The following ANK1 variants were observed in gnomAD, a reference collection of about 807,000 sequenced individuals.
ANK1 encodes the protein ankyrin-1.
A neutral mutation model predicts 210.4 loss-of-function variants in ANK1; 51 were observed. The observed-to-expected ratio is 0.24, with a 90% CI of 0.19 to 0.31. The LOEUF (loss-of-function observed/expected upper bound fraction) is 0.31. Ranked by LOEUF, ANK1 falls within the 10% of genes least tolerant of loss-of-function variation. The probability of loss-of-function intolerance (pLI) is 1.00; values close to 1 mark genes in which losing one functional copy is unlikely to be tolerated. For missense variants in ANK1, 2,051 were observed against 2,504.4 expected (o/e 0.82, Z 3.86); for synonymous variants, 967 against 1,025.9 (o/e 0.94, Z 1.10).
intron 20 of ANK1, among the ~76,000 whole-genome samples, chr8:41,703,051 G>C (rs776337469): frequency 6.6e-6 from 1 of 151,774 alleles, no homozygotes; most frequent in Non-Finnish European, 1.5e-5. Context: ...GGCTGGTCTC[G>C]AACTCCTGAC....
At chr8:41,844,798 C>A (rs541440870) in intron 1 of ANK1, among the ~76,000 whole-genome samples, 1 of 152,286 alleles carries the variant, frequency 6.6e-6, no homozygotes, top group African/African-American at 2.4e-5. Context: ...CAGCATTGGA[C>A]CCCAGAAGAT....
chr8:41,676,326 C>T (rs531774936), intron 37 of ANK1, among the ~76,000 whole-genome samples: 72 of 152,240 alleles, frequency 4.7e-4, no homozygotes, highest in African/African-American at 1.6e-3. Flanking sequence ...ATTTGTATTT[C>T]CCAAATCACT....
intron 1 of ANK1, among the ~76,000 whole-genome samples, chr8:41,761,997 C>G (rs1346925531): frequency 6.6e-6 from 1 of 152,186 alleles, no homozygotes; most frequent in African/African-American, 2.4e-5. Flanking sequence ...AACTGGTCTT[C>G]CCCAAATCCT....
At chr8:41,768,406 G>T (rs533345373) in intron 1 of ANK1, among the ~76,000 whole-genome samples, 2 of 152,168 alleles carry the variant, frequency 1.3e-5, no homozygotes, top group African/African-American at 4.8e-5. Flanking sequence ...GTACAGCTGC[G>T]CGTTGGTGAG....
intron 11 of ANK1, 64 bp downstream of exon 11, chr8:41,718,042 T>C (rs1586409906): frequency 1.3e-6 from 2 of 1,508,320 alleles, no homozygotes. Flanking sequence ...AGAGCGACTC[T>C]TGGAGAAGGT....
At chr8:41,713,986 G>A (rs1460799836) in intron 16 of ANK1, among the ~76,000 whole-genome samples, 170 bp downstream of exon 16, 2 of 152,230 alleles carry the variant, frequency 1.3e-5, no homozygotes, top group African/African-American at 2.4e-5. Context: ...CCTGAATAGC[G>A]TGATTACAGG....
At chr8:41,690,408 T>C in intron 32 of ANK1, 62 bp from the exon 33 acceptor site, 10 of 1,614,142 alleles carry the variant, frequency 6.2e-6, no homozygotes, top group Non-Finnish European at 8.5e-6. Context: ...GGCTGTCTGG[T>C]TTAGGGAATT....
At chr8:41,845,006 A>C (rs994494302) in intron 1 of ANK1, among the ~76,000 whole-genome samples, 2 of 152,166 alleles carry the variant, frequency 1.3e-5, no homozygotes, top group Non-Finnish European at 2.9e-5. Context: ...AGCTGCCTCT[A>C]CTCAGCAGAT....
intron 22 of ANK1, 72 bp downstream of exon 22, chr8:41,701,478 C>A (rs1822782180): frequency 1.4e-6 from 2 of 1,431,614 alleles, no homozygotes; most frequent in African/African-American, 2.8e-5. Flanking sequence ...CGGCAGGTGG[C>A]AGGAAGCCCC....
intron 1 of ANK1, among the ~76,000 whole-genome samples, chr8:41,804,803 C>T (rs1850675361): frequency 6.6e-6 from 1 of 152,138 alleles, no homozygotes; most frequent in African/African-American, 2.4e-5. Flanking sequence ...GCGAAATTCC[C>T]ACATTCCGGC....
At chr8:41,697,422 T>G (rs1472642680) in intron 24 of ANK1, among the ~76,000 whole-genome samples, 1 of 152,152 alleles carries the variant, frequency 6.6e-6, no homozygotes, top group Non-Finnish European at 1.5e-5. Flanking sequence ...AGAACGTCCT[T>G]GTCCATCGCC....
intron 1 of ANK1, among the ~76,000 whole-genome samples, chr8:41,854,230 G>A (rs983064970): frequency 3.3e-5 from 5 of 152,118 alleles, no homozygotes; most frequent in Non-Finnish European, 5.9e-5. Flanking sequence ...ATTTCAGCTC[G>A]TTTCAGCTCC....
chr8:41,881,739 C>T (rs1213347731), intron 1 of ANK1, among the ~76,000 whole-genome samples: 1 of 152,196 alleles, frequency 6.6e-6, no homozygotes, highest in Non-Finnish European at 1.5e-5. Context: ...CCAGCTCTGG[C>T]TCTCATTAGA....
At position 41,714,090 on chromosome 8, in the gene ANK1, T is replaced by C. The variant is rs1023842248; in HGVS notation, c.1800+66A>G. 10 of 1,162,462 alleles carry C rather than the reference T, an allele frequency of 8.6e-6. No homozygotes were observed. The East Asian group carries it at 2.9e-4, about 34-fold the overall frequency. 72.0% of individuals were successfully genotyped at this position (1,162,462 alleles called of 1,614,324 possible). On this transcript the variant is annotated intron_variant, in intron 16 of 42. Transcript: ENST00000289734. Reference sequence around the variant, plus strand: ...GGGCTGCTGTGGAAACCCCCCTCCCTGAGGGACTGGAAGGTAGCAGGTGAC... The same window carrying C: ...GGGCTGCTGTGGAAACCCCCCTCCCCGAGGGACTGGAAGGTAGCAGGTGAC...
At chr8:41,657,752 C>G (rs1316340083) in intron 42 of ANK1, among the ~76,000 whole-genome samples, 2 of 152,236 alleles carry the variant, frequency 1.3e-5, no homozygotes, top group East Asian at 3.8e-4. Flanking sequence ...TCTAGAGGCA[C>G]AGTGGCAAGA....
intron 3 of ANK1, 97 bp downstream of exon 3, chr8:41,733,874 G>T: frequency 1.0e-6 from 1 of 969,778 alleles, no homozygotes; most frequent in Non-Finnish European, 1.7e-6. Flanking sequence ...AAATTCAGAT[G>T]CATGCCTGAG....
chr8:41,852,082 G>A (rs1161711590), intron 1 of ANK1, among the ~76,000 whole-genome samples: 1 of 152,160 alleles, frequency 6.6e-6, no homozygotes, highest in Non-Finnish European at 1.5e-5. Context: ...GATCACACAC[G>A]GCTAGTAGTA....
intron 1 of ANK1, among the ~76,000 whole-genome samples, chr8:41,845,846 C>T (rs1050498431): frequency 1.3e-5 from 2 of 152,248 alleles, no homozygotes; most frequent in Middle Eastern, 3.4e-3. Flanking sequence ...GCTTCCCATG[C>T]GGAAAGTACA....
intron 1 of ANK1, among the ~76,000 whole-genome samples, chr8:41,783,459 CT>C (rs1227281086): frequency 1.3e-5 from 2 of 152,108 alleles, no homozygotes; most frequent in Non-Finnish European, 2.9e-5. Flanking sequence ...CAATTCGGGA[CT>C]TTTTTTCAGC....
Sources: gnomAD v4.1 joint callset for allele counts (sites outside exome capture counted in the v4.1 genomes callset) on GRCh38, gnomAD v4.1.1 for gene constraint, MANE v1.5 for transcripts, NCBI Gene and HGNC (gene_info 2026-07-23, HGNC 2026-07-21) for gene names.